Variants in MINPP1 observed in about 807,000 individuals in gnomAD.
The protein encoded by MINPP1 is multiple inositol polyphosphate phosphatase 1.
A neutral mutation model predicts 46.1 loss-of-function variants in MINPP1; 28 were observed. The ratio of observed to expected loss-of-function variants is 0.61; its 90% CI spans 0.45 to 0.83. The LOEUF is 0.83. MINPP1 is among the 40% of genes least tolerant of loss of function. The pLI is 0.00. For missense variants in MINPP1, 603 were observed against 610.0 expected (o/e 0.99, Z 0.12); for synonymous variants, 268 against 249.1 (o/e 1.08, Z -0.72).
At position 87,512,830 on chromosome 10, in the gene MINPP1, CA is replaced by C. The variant is rs901653302; in HGVS notation, c.836-284del. On this transcript the variant is annotated intron_variant, in intron 2 of 4. Transcript: ENST00000371996. ...CTGGACAACAGAGCAAGACCCTGTC[CA>C]AAAAAAAAAGGCAGAAAAAAGTTAC... is the stretch of plus-strand genomic sequence containing the variant. Among the ~76,000 whole-genome samples the C allele has an allele frequency of 1.7e-3, 238 of 139,910 alleles. 1 individual carries two copies. Among genetic ancestry groups the C allele is most frequent in the African/African-American group, 5.4e-3 (206 of 38,098 alleles). 91.8% of individuals were successfully genotyped at this position (139,910 alleles called of 152,430 possible).
chr10:87,552,612 TGG>T lies in MINPP1; in HGVS notation c.*136_*137del. 1 of 915,776 alleles carries T rather than the reference TGG, an allele frequency of 1.1e-6. No individual in the cohort carries two copies. The highest frequency in any genetic ancestry group is 1.7e-6 in the Non-Finnish European group (1 of 599,148). 56.7% of individuals were successfully genotyped at this position (915,776 alleles called of 1,614,324 possible). On this transcript the variant is annotated 3_prime_UTR_variant, in exon 5 of 5. Coordinates refer to ENST00000371996, the MANE Select transcript of MINPP1 (RefSeq NM_004897.5). ...TTTCTGTCTTTTCACAGAAAAACAT[TGG>T]GTTTCTCTCTGGGTTTGGACATGAA...
At chr10:87,508,076 T>G in intron 1 of MINPP1, 3 of 1,472,884 alleles carry the variant, frequency 2.0e-6, no homozygotes, top group Non-Finnish European at 2.7e-6. Context: ...TGATGCAATT[T>G]CATTGCGTAG....
At chr10:87,527,167 C>T (rs1446400776) in intron 4 of MINPP1, among the ~76,000 whole-genome samples, 2 of 152,122 alleles carry the variant, frequency 1.3e-5, no homozygotes, top group African/African-American at 2.4e-5. Flanking sequence ...ATTGATTCTT[C>T]CTATCCATGA....
intron 2 of MINPP1, among the ~76,000 whole-genome samples, chr10:87,511,941 A>AT (rs1005664838): frequency 2.6e-4 from 39 of 152,016 alleles, no homozygotes; most frequent in African/African-American, 4.3e-4. Context: ...AATGAAATAC[A>AT]TTTTTTTTGT....
chr10:87,522,766 A>G (rs1462065418), intron 4 of MINPP1, among the ~76,000 whole-genome samples: 3 of 152,146 alleles, frequency 2.0e-5, no homozygotes, highest in Admixed American at 6.5e-5. Flanking sequence ...GTAAAAGAAA[A>G]TATCAATGAG....
At chr10:87,536,684 T>C (rs1490619280) in intron 4 of MINPP1, among the ~76,000 whole-genome samples, 1 of 152,196 alleles carries the variant, frequency 6.6e-6, no homozygotes, top group Non-Finnish European at 1.5e-5. Flanking sequence ...CTTCTTTCAC[T>C]CAACATAGTG....
At chr10:87,521,855 A>T (rs967724846) in intron 4 of MINPP1, among the ~76,000 whole-genome samples, 1 of 152,178 alleles carries the variant, frequency 6.6e-6, no homozygotes, top group South Asian at 2.1e-4. Context: ...ATTAAAAATA[A>T]TTTTTCATGA....
At position 87,505,404 on chromosome 10, in the gene MINPP1, G is replaced by A. The variant is rs1049163644; in HGVS notation, c.489G>A (p.Ser163=). 6.2e-7 allele frequency: 1 copy of A among 1,613,866 alleles called. No homozygotes were observed. The highest frequency in any genetic ancestry group is 1.7e-5 in the Admixed American group (1 of 60,028). The change falls in exon 1 of 5, where the codon TCG becomes TCA. Residue 163 remains serine, a synonymous_variant. Transcript: ENST00000371996. The surrounding 1 kb of genome is among the most constrained non-coding windows in gnomAD (Gnocchi z 4.4). ...GACAGCTGGCGCTGCGTCTGGCCTCGCTCTTCCCGGCCCTTTTCAGCCGTG... is the reference window on the plus strand; with the variant it reads ...GACAGCTGGCGCTGCGTCTGGCCTCACTCTTCCCGGCCCTTTTCAGCCGTG... ...DMRQLALRLA[S]LFPALFSREN...
chr10:87,510,028 T>C (rs1851312657), intron 2 of MINPP1, among the ~76,000 whole-genome samples: 2 of 152,216 alleles, frequency 1.3e-5, no homozygotes, highest in South Asian at 2.1e-4. Flanking sequence ...GATTCTGGAA[T>C]TGGACTATTT....
chr10:87,505,070 G>T lies in MINPP1; in HGVS notation c.155G>T (p.Arg52Leu), dbSNP rs767605980. 1.5e-5 allele frequency: 25 copies of T among 1,613,458 alleles called. No homozygotes were observed. The highest frequency in any genetic ancestry group is 5.1e-6 in the Non-Finnish European group (6 of 1,179,932). The change falls in exon 1 of 5, where the codon CGC (arginine) becomes CTC (leucine). Residue 52 changes from arginine to leucine, a missense_variant. Arg to Leu is a moderately radical substitution (Grantham distance 102, BLOSUM62 -2). Coordinates refer to ENST00000371996, the MANE Select transcript of MINPP1 (RefSeq NM_004897.5). This position sits in a 1 kb window ranked among gnomAD's most constrained non-coding sequence, Gnocchi z 4.4. ...AGCCCCTATTTCGGCACCAAGACTC[G>T]CTACGAGGATGTCAACCCCGTGCTA... is the stretch of plus-strand genomic sequence containing the variant. ...SLSPYFGTKTRYEDVNPVLLS... is the reference protein window; with the variant it reads ...SLSPYFGTKTLYEDVNPVLLS...
At chr10:87,509,901 G>C (rs1026737672) in intron 2 of MINPP1, among the ~76,000 whole-genome samples, 3 of 152,082 alleles carry the variant, frequency 2.0e-5, no homozygotes, top group Non-Finnish European at 4.4e-5. Context: ...TGTTGAAAAA[G>C]ATTTTTTAAA....
intron 4 of MINPP1, among the ~76,000 whole-genome samples, chr10:87,544,425 A>T (rs544370062): frequency 6.0e-4 from 91 of 152,286 alleles, no homozygotes; most frequent in African/African-American, 1.9e-3. Context: ...GACATGATTA[A>T]TTAAACTATT....
At chr10:87,512,314 G>A (rs1195407570) in intron 2 of MINPP1, among the ~76,000 whole-genome samples, 2 of 152,042 alleles carry the variant, frequency 1.3e-5, no homozygotes, top group Admixed American at 1.3e-4. Context: ...ATCCACTTCC[G>A]AAATCATTTG....
Position 87,552,305 on chromosome 10 carries a change from C to G in MINPP1, c.1291C>G (p.Gln431Glu), listed in dbSNP as rs1340734344. 8 of 1,613,682 alleles carry G rather than the reference C, an allele frequency of 5.0e-6. No individual in the cohort carries two copies. The highest frequency in any genetic ancestry group is 5.9e-6 in the Non-Finnish European group (7 of 1,179,810). ...HCENAKTPKE[Q>E]FRVQMLLNEK... is the part of the protein sequence containing the mutation. Reference sequence around the variant, plus strand: ...TGAAAATGCTAAGACTCCTAAAGAACAATTCCGAGTGCAGATGTTATTAAA... The same window carrying G: ...TGAAAATGCTAAGACTCCTAAAGAAGAATTCCGAGTGCAGATGTTATTAAA... The change falls in exon 5 of 5, where the codon CAA becomes GAA. Residue 431 changes from glutamine to glutamate, a missense_variant. Around this residue, in one of 3 missense-constraint regions of MINPP1, gnomAD observed 344 missense variants for 381.1 expected, o/e 0.90. Coordinates refer to ENST00000371996, the MANE Select transcript of MINPP1 (RefSeq NM_004897.5).
In MINPP1 at chr10:87,522,454, TCCAGA is replaced by T. The variant is rs376133616; in HGVS notation, c.1067+1289_1067+1293del. On this transcript the variant is annotated intron_variant, in intron 4 of 4. Coordinates refer to ENST00000371996, the MANE Select transcript of MINPP1 (RefSeq NM_004897.5). The stretch of plus-strand genomic sequence containing the variant: ...GTCTCAAAGATAGTGCAAGTTCAAT[TCCAGA>T]CCACTGCAAAAAAGTGAATATCACA... Among the ~76,000 whole-genome samples, 80 of 152,312 alleles carry T rather than the reference TCCAGA, an allele frequency of 5.3e-4. No homozygotes were observed. The East Asian group carries it at 0.014, about 26-fold the overall frequency.
At chr10:87,551,118 T>G (rs1455732953) in intron 4 of MINPP1, among the ~76,000 whole-genome samples, 3 of 152,042 alleles carry the variant, frequency 2.0e-5, no homozygotes, top group Non-Finnish European at 4.4e-5. Context: ...TAGAGAATAC[T>G]TTTCCACCTA....
In MINPP1 at chr10:87,552,184, A is replaced by G. The variant is rs568067117; in HGVS notation, c.1170A>G (p.Leu390=). ...LMGYFKDKEP[L]TAYNYKKQMH... ...GCTACTTCAAAGACAAGGAACCCCT[A>G]ACAGCGTACAATTACAAAAAACAAA... Residue 390 remains leucine, a synonymous_variant, in exon 5 of 5, where the codon CTA becomes CTG. Transcript: ENST00000371996. 277 of 1,613,792 alleles carry G rather than the reference A, an allele frequency of 1.7e-4. 2 individuals carry two copies. In the South Asian group the frequency reaches 2.9e-3, roughly 17 times the overall value.
intron 4 of MINPP1, among the ~76,000 whole-genome samples, chr10:87,526,004 C>T (rs191783189): frequency 1.2e-3 from 190 of 152,198 alleles, no homozygotes; most frequent in African/African-American, 4.1e-3. Flanking sequence ...TGAATAGTGC[C>T]GCAATAAACA....
At chr10:87,537,511 TTGTGTGTGTGTGTG>T (rs1554853571) in intron 4 of MINPP1, among the ~76,000 whole-genome samples, 6 of 85,106 alleles carry the variant, frequency 7.1e-5, no homozygotes, top group Admixed American at 6.3e-4. Context: ...TTATTACTGT[TTGTGTGTGTGTGTG>T]TGTGTGTGTG....
Sources: gnomAD v4.1 joint callset for allele counts (sites outside exome capture counted in the v4.1 genomes callset) on GRCh38, gnomAD v4.1.1 for gene constraint, gnomAD v4.1.1 regional missense constraint, Gnocchi (gnomAD v3.1) non-coding constraint, MANE v1.5 for transcripts, NCBI Gene and HGNC (gene_info 2026-07-23, HGNC 2026-07-21) for gene names.